Variants in CNTNAP5 observed in about 807,000 individuals in gnomAD.
CNTNAP5 encodes the protein contactin associated protein family member 5.
In CNTNAP5, 72 loss-of-function variants were observed where a neutral mutation model predicts 150.2. That is an observed-to-expected ratio of 0.48 (90% CI 0.40 to 0.58). CNTNAP5 has a LOEUF of 0.58. Among genes scored for constraint, CNTNAP5 ranks in the 20% least tolerant of loss-of-function variants. The pLI, the probability that CNTNAP5 is intolerant of heterozygous loss-of-function variation, is 0.00. For synonymous variants in CNTNAP5, 672 were observed against 619.8 expected (o/e 1.08, Z -1.25); for missense variants, 1,636 against 1,626.2 (o/e 1.01, Z -0.10).
chr2:124,174,248 C>T (rs1685009216), intron 1 of CNTNAP5, among the ~76,000 whole-genome samples: 1 of 152,128 alleles, frequency 6.6e-6, no homozygotes, highest in South Asian at 2.1e-4. Context: ...TTCTGCAGCC[C>T]ATGGATCAAG....
At chr2:124,460,028 T>C (rs1375334261) in intron 6 of CNTNAP5, among the ~76,000 whole-genome samples, 1 of 152,210 alleles carries the variant, frequency 6.6e-6, no homozygotes, top group Non-Finnish European at 1.5e-5. Flanking sequence ...GAAAGTGTAA[T>C]GCACTCATTA....
At chr2:124,281,826 C>G (rs1002353430) in intron 3 of CNTNAP5, among the ~76,000 whole-genome samples, 1 of 152,168 alleles carries the variant, frequency 6.6e-6, no homozygotes, top group Admixed American at 6.5e-5. Flanking sequence ...TTTTAGAGCT[C>G]TACTTCCTCA....
At chr2:124,339,630 C>T (rs772354708) in intron 3 of CNTNAP5, among the ~76,000 whole-genome samples, 2 of 152,098 alleles carry the variant, frequency 1.3e-5, no homozygotes, top group Non-Finnish European at 2.9e-5. Context: ...ATGGGTTTTT[C>T]GTGCTCACTG....
rs892474864 is a variant in CNTNAP5 at position 124,025,689 on chromosome 2, G to A, written c.39G>A (p.Leu13=). ...SLPRLTSVLT[L]LFSGLWHLGL... ...CACGGCTGACCAGCGTTTTGACTTTGCTGTTCTCTGGCTTGTGGCATTTAG... is the reference window on the plus strand; with the variant it reads ...CACGGCTGACCAGCGTTTTGACTTTACTGTTCTCTGGCTTGTGGCATTTAG... The change falls in exon 1 of 24, where the codon TTG becomes TTA. Residue 13 remains leucine (L), a synonymous_variant. Transcript: ENST00000682447. 2 of 1,613,790 alleles carry A rather than the reference G, an allele frequency of 1.2e-6. No individual in the cohort carries two copies. Among genetic ancestry groups the A allele is most frequent in the Admixed American group, 3.3e-5 (2 of 59,998 alleles).
intron 1 of CNTNAP5, among the ~76,000 whole-genome samples, chr2:124,206,719 T>G (rs1226391461): frequency 3.3e-5 from 5 of 152,166 alleles, no homozygotes; most frequent in Non-Finnish European, 7.3e-5. Context: ...TACATTTTTG[T>G]AAAGGTAATT....
At chr2:124,555,540 A>G (rs529903472) in intron 10 of CNTNAP5, among the ~76,000 whole-genome samples, 2 of 152,234 alleles carry the variant, frequency 1.3e-5, no homozygotes, top group Non-Finnish European at 2.9e-5. Context: ...ATTTTTCTGT[A>G]CTTGTGGGAT....
At chr2:124,324,662 T>A (rs1298186193) in intron 3 of CNTNAP5, among the ~76,000 whole-genome samples, 8 of 152,146 alleles carry the variant, frequency 5.3e-5, no homozygotes, top group African/African-American at 1.9e-4. Context: ...AAACTGACAA[T>A]GCTGAAACAA....
At chr2:124,667,099 C>A (rs1678717511) in intron 13 of CNTNAP5, among the ~76,000 whole-genome samples, 1 of 152,168 alleles carries the variant, frequency 6.6e-6, no homozygotes, top group East Asian at 1.9e-4. Flanking sequence ...CTTTAAACAT[C>A]TTGGTAGCTG....
At chr2:124,907,501 A>ATATG (rs549920792) in intron 22 of CNTNAP5, among the ~76,000 whole-genome samples, 426 of 148,550 alleles carry the variant, frequency 2.9e-3, no homozygotes, top group Middle Eastern at 0.018. Context: ...ATAGATATAG[A>ATATG]TATGTATGTA....
intron 13 of CNTNAP5, among the ~76,000 whole-genome samples, chr2:124,693,959 A>G (rs753490516): frequency 6.6e-6 from 1 of 152,154 alleles, no homozygotes; most frequent in Non-Finnish European, 1.5e-5. Context: ...ACCTAGCTGA[A>G]GACACTTGCC....
chr2:124,252,244 G>A (rs1687198980), intron 3 of CNTNAP5, among the ~76,000 whole-genome samples: 1 of 152,144 alleles, frequency 6.6e-6, no homozygotes, highest in African/African-American at 2.4e-5. Context: ...GCTTGGGCGG[G>A]GCATCCTAAA....
chr2:124,783,694 A>C (rs1681502068), intron 17 of CNTNAP5, among the ~76,000 whole-genome samples: 6 of 152,102 alleles, frequency 3.9e-5, no homozygotes, highest in Admixed American at 3.9e-4. Context: ...GAGGTGTCAA[A>C]ATTTGTAGTG....
At chr2:124,218,625 G>A (rs1686223491) in intron 1 of CNTNAP5, among the ~76,000 whole-genome samples, 2 of 152,136 alleles carry the variant, frequency 1.3e-5, no homozygotes, top group Non-Finnish European at 2.9e-5. Flanking sequence ...AACTGTCCCT[G>A]GAAACTGAGA....
chr2:124,910,229 T>C (rs939672327), intron 22 of CNTNAP5, among the ~76,000 whole-genome samples: 3 of 151,980 alleles, frequency 2.0e-5, no homozygotes, highest in Admixed American at 1.3e-4. Context: ...GTATGAAGAA[T>C]TGCGTGTCTT....
intron 17 of CNTNAP5, 107 bp downstream of exon 17, chr2:124,773,124 A>G: frequency 1.2e-6 from 1 of 809,114 alleles, no homozygotes; most frequent in Non-Finnish European, 2.1e-6. Flanking sequence ...TATGATCAAA[A>G]TGTCATAAAT....
chr2:124,188,228 T>C (rs1227131005), intron 1 of CNTNAP5, among the ~76,000 whole-genome samples: 2 of 152,140 alleles, frequency 1.3e-5, no homozygotes, highest in Non-Finnish European at 2.9e-5. Flanking sequence ...CGATTCACCA[T>C]AGAAAACAAA....
chr2:124,264,148 C>T (rs917203733), intron 3 of CNTNAP5, among the ~76,000 whole-genome samples: 1 of 152,006 alleles, frequency 6.6e-6, no homozygotes, highest in Non-Finnish European at 1.5e-5. Context: ...ACCAGACTCC[C>T]CTTAAAAACT....
At position 124,098,013 on chromosome 2, in the gene CNTNAP5, G is replaced by A. The variant is rs978256615; in HGVS notation, c.82+72281G>A. On this transcript the variant is annotated intron_variant, in intron 1 of 23. Transcript: ENST00000682447. ...ACTGCACTCCAGCCTGGGCGACAGAGCGAGACTCCGTCTCAAAAAAAATAA... is the reference window on the plus strand; with the variant it reads ...ACTGCACTCCAGCCTGGGCGACAGAACGAGACTCCGTCTCAAAAAAAATAA... 2.0e-5 allele frequency among the ~76,000 whole-genome samples: 3 copies of A among 151,206 alleles called. No individual in the cohort carries two copies. In the South Asian group the frequency reaches 6.3e-4, roughly 32 times the overall value.
intron 8 of CNTNAP5, among the ~76,000 whole-genome samples, chr2:124,511,560 T>C (rs914731756): frequency 6.6e-6 from 1 of 152,222 alleles, no homozygotes; most frequent in African/African-American, 2.4e-5. Context: ...CCTCATTTGC[T>C]GAAGGAGAGG....
Sources: gnomAD v4.1 joint callset for allele counts (sites outside exome capture counted in the v4.1 genomes callset) on GRCh38, gnomAD v4.1.1 for gene constraint, MANE v1.5 for transcripts, NCBI Gene and HGNC (gene_info 2026-07-23, HGNC 2026-07-21) for gene names.